SPAG16: variants seen among roughly 807,000 people sequenced by gnomAD.
SPAG16 encodes sperm-associated antigen 16 protein.
A neutral mutation model predicts 80.4 loss-of-function variants in SPAG16; 86 were observed. The observed-to-expected ratio is 1.07, with a 90% CI of 0.90 to 1.28. SPAG16 has a LOEUF of 1.28. Among genes scored for constraint, SPAG16 ranks in the 50% most tolerant of loss-of-function variants. The probability of loss-of-function intolerance (pLI) is 0.00; values close to 1 mark genes in which losing one functional copy is unlikely to be tolerated. For missense variants in SPAG16, 870 were observed against 765.3 expected (o/e 1.14, Z -1.61); for synonymous variants, 294 against 265.9 (o/e 1.11, Z -1.03).
At chr2:213,668,667 T>G (rs1360050898) in intron 10 of SPAG16, among the ~76,000 whole-genome samples, 1 of 152,102 alleles carries the variant, frequency 6.6e-6, no homozygotes, top group Non-Finnish European at 1.5e-5. Flanking sequence ...TGCGATGGAG[T>G]CTTGCTCTGT....
At chr2:213,814,657 GCA>G (rs2072400063) in intron 10 of SPAG16, among the ~76,000 whole-genome samples, 1 of 152,066 alleles carries the variant, frequency 6.6e-6, no homozygotes, top group South Asian at 2.1e-4. Context: ...GGGCATAGTG[GCA>G]CACGCCTGTA....
chr2:214,038,611 A>G (rs1386578319), intron 13 of SPAG16, among the ~76,000 whole-genome samples: 4 of 152,060 alleles, frequency 2.6e-5, no homozygotes, highest in African/African-American at 9.7e-5. Flanking sequence ...TTACATATAT[A>G]TACATGTGCC....
chr2:213,974,310 T>C (rs2045243153), intron 12 of SPAG16, among the ~76,000 whole-genome samples: 1 of 152,098 alleles, frequency 6.6e-6, no homozygotes, highest in South Asian at 2.1e-4. Context: ...CTACAAAATG[T>C]ATATTACATA....
rs1429729393 is a variant in SPAG16 at position 213,327,132 on chromosome 2, C to G, written c.536+9776C>G. On this transcript the variant is annotated intron_variant, in intron 5 of 15. Coordinates refer to ENST00000331683, the MANE Select transcript of SPAG16 (RefSeq NM_024532.5). ...TGTTCCACTGAGTAACTCTTAACAG[C>G]GTTGTACTTGAAACAATGTCTGTTT... 5.0e-4 allele frequency among the ~76,000 whole-genome samples: 73 copies of G among 145,584 alleles called. No homozygotes were observed. The Admixed American group carries it at 5.1e-3, about 10-fold the overall frequency.
At chr2:213,924,622 A>T (rs565238580) in intron 11 of SPAG16, among the ~76,000 whole-genome samples, 239 of 152,016 alleles carry the variant, frequency 1.6e-3, no homozygotes, top group Non-Finnish European at 2.7e-3. Context: ...CCTTTGGCCT[A>T]GGTAACTTTT....
At chr2:214,032,866 A>G (rs574395216) in intron 13 of SPAG16, among the ~76,000 whole-genome samples, 111 of 152,310 alleles carry the variant, frequency 7.3e-4, no homozygotes, top group African/African-American at 2.5e-3. Context: ...TTTCCCTCTT[A>G]TGGCATAATC....
intron 13 of SPAG16, among the ~76,000 whole-genome samples, chr2:214,107,982 A>G (rs549021902): frequency 1.3e-5 from 2 of 152,172 alleles, no homozygotes; most frequent in Non-Finnish European, 2.9e-5. Context: ...GTAGAATTTC[A>G]GTGTAGATAC....
chr2:213,533,793 A>G (rs942766545), intron 10 of SPAG16, among the ~76,000 whole-genome samples: 1 of 152,134 alleles, frequency 6.6e-6, no homozygotes, highest in Non-Finnish European at 1.5e-5. Context: ...GATAATTGCT[A>G]TTAGTATTTT....
At chr2:213,539,446 T>G (rs2076355967) in intron 10 of SPAG16, among the ~76,000 whole-genome samples, 1 of 152,238 alleles carries the variant, frequency 6.6e-6, no homozygotes, top group Non-Finnish European at 1.5e-5. Context: ...TCTTGTAATA[T>G]GTTTTGTACA....
intron 10 of SPAG16, among the ~76,000 whole-genome samples, chr2:213,738,227 G>T (rs1159020677): frequency 6.6e-6 from 1 of 152,042 alleles, no homozygotes; most frequent in Non-Finnish European, 1.5e-5. Context: ...TTACATGGGG[G>T]ATACATTTCA....
chr2:213,670,998 G>A (rs533369795), intron 10 of SPAG16, among the ~76,000 whole-genome samples: 1 of 152,144 alleles, frequency 6.6e-6, no homozygotes, highest in Non-Finnish European at 1.5e-5. Context: ...ATACATAAAA[G>A]TGTCTTTAAT....
intron 11 of SPAG16, among the ~76,000 whole-genome samples, chr2:213,896,234 C>T (rs1177241022): frequency 6.6e-6 from 1 of 151,806 alleles, no homozygotes; most frequent in African/African-American, 2.4e-5. Flanking sequence ...CAAATCAAAA[C>T]TATAATATAT....
chr2:214,336,934 C>T (rs1177450786), intron 15 of SPAG16, among the ~76,000 whole-genome samples: 2 of 142,718 alleles, frequency 1.4e-5, no homozygotes, highest in African/African-American at 4.9e-5. Context: ...GAGTTCTCTG[C>T]TGTTGAATGA....
At chr2:213,576,982 A>T (rs1461541490) in intron 10 of SPAG16, among the ~76,000 whole-genome samples, 1 of 151,852 alleles carries the variant, frequency 6.6e-6, no homozygotes, top group East Asian at 1.9e-4. Context: ...TTGTGTACTG[A>T]GGGTTTGTTG....
intron 10 of SPAG16, among the ~76,000 whole-genome samples, chr2:213,520,356 G>A (rs1374924785): frequency 6.6e-6 from 1 of 152,098 alleles, no homozygotes; most frequent in African/African-American, 2.4e-5. Context: ...GGAGGCTGAG[G>A]CGGGAAGATC....
At chr2:214,172,615 C>T (rs2056914454) in intron 15 of SPAG16, among the ~76,000 whole-genome samples, 1 of 152,038 alleles carries the variant, frequency 6.6e-6, no homozygotes, top group Non-Finnish European at 1.5e-5. Flanking sequence ...GGTATATACC[C>T]AGTAGTGGGA....
chr2:213,900,410 T>C (rs146171914), intron 11 of SPAG16, among the ~76,000 whole-genome samples: 3 of 152,262 alleles, frequency 2.0e-5, no homozygotes, highest in African/African-American at 7.2e-5. Context: ...AATAATTAAG[T>C]TCAAAAACTA....
At chr2:213,342,111 AAAG>A (rs1208851644) in intron 6 of SPAG16, among the ~76,000 whole-genome samples, 2 of 151,966 alleles carry the variant, frequency 1.3e-5, no homozygotes, top group Admixed American at 6.6e-5. Flanking sequence ...GTTAGTAAAA[AAAG>A]GGAAATTTTG....
At chr2:213,619,734 A>G (rs1400872073) in intron 10 of SPAG16, among the ~76,000 whole-genome samples, 1 of 152,244 alleles carries the variant, frequency 6.6e-6, no homozygotes, top group Admixed American at 6.5e-5. Flanking sequence ...TAGTGCAGTT[A>G]TTATGGAAGT....
Sources: allele counts gnomAD v4.1 joint callset (sites outside exome capture counted in the v4.1 genomes callset), GRCh38; gene constraint gnomAD v4.1.1; transcripts MANE v1.5; gene names NCBI Gene and HGNC (gene_info 2026-07-23, HGNC 2026-07-21).